Variants in RFX6 observed in about 807,000 individuals in gnomAD.
The protein encoded by RFX6 is DNA-binding protein RFX6.
RFX6 carries 50 observed loss-of-function variants against 110.8 expected under a neutral mutation model. The ratio of observed to expected loss-of-function variants is 0.45; its 90% confidence interval spans 0.36 to 0.57. RFX6 has a LOEUF of 0.57. RFX6 is among the 20% of genes least tolerant of loss of function. RFX6 has a pLI of 0.00. For synonymous variants in RFX6, 383 were observed against 411.2 expected, an observed-to-expected ratio of 0.93 and a Z score of 0.83; for missense variants, 990 against 1,127.0, an observed-to-expected ratio of 0.88 and a Z score of 1.74.
chr6:116,895,186 TG>T lies in RFX6; in HGVS notation c.653del (p.Gly218GlufsTer4). On this transcript the variant is annotated frameshift_variant, in exon 6 of 19. Transcript: ENST00000332958. LOFTEE classifies it high-confidence loss of function. ...YSGKGLTRFS[G>X]SKLKNEGGFT... ...AATGTACTAATTTTTTAAGGTTTTC[TG>T]GAAGCAAGCTAAAGAATGAGGTAAG... 6.8e-7 allele frequency: 1 copy of T among 1,478,372 alleles called. No homozygotes were observed. Among genetic ancestry groups the T allele is most frequent in the Non-Finnish European group, 9.5e-7 (1 of 1,058,124 alleles). The allele number at this position is 1,478,372 out of a possible 1,614,324, so 91.6% of individuals were successfully genotyped here.
chr6:116,888,547 G>A (rs3907920), intron 4 of RFX6, among the ~76,000 whole-genome samples: 54,337 of 151,854 alleles, frequency 0.36, 10,720 homozygotes, highest in East Asian at 0.51. Context: ...CAGGATTTTC[G>A]AGCATTTATC....
At chr6:116,888,079 A>C (rs1178133883) in intron 4 of RFX6, among the ~76,000 whole-genome samples, 1 of 152,216 alleles carries the variant, frequency 6.6e-6, no homozygotes, top group African/African-American at 2.4e-5. Flanking sequence ...CTCTTATCAT[A>C]GCAAGTTATT....
At chr6:116,924,526 A>T in intron 14 of RFX6, 143 bp from the exon 15 acceptor site, 1 of 772,950 alleles carries the variant, frequency 1.3e-6, no homozygotes, top group Non-Finnish European at 2.2e-6. Flanking sequence ...AAGTCCAACA[A>T]GTATTTGTTT....
At position 116,925,503 on chromosome 6, in the gene RFX6, A is replaced by C. The variant is rs1775694272; in HGVS notation, c.1729A>C (p.Asn577His). ...TASPSSCFLANRNKGSMVSSD... is the reference protein window; with the variant it reads ...TASPSSCFLAHRNKGSMVSSD... ...TTCTCCGAGTTCATGCTTTCTGGCC[A>C]ACCGTAATAAAGGGAGCATGGTTTC... The change falls in exon 16 of 19, where the codon AAC (asparagine) becomes CAC (histidine). Residue 577 changes from asparagine to histidine, a missense_variant. Around this residue, in one of 5 missense-constraint regions of RFX6, gnomAD observed 438 missense variants for 441.9 expected, o/e 0.99. Transcript: ENST00000332958. 2 of 1,614,200 alleles carry C rather than the reference A, an allele frequency of 1.2e-6. No homozygotes were observed. The highest frequency in any genetic ancestry group is 2.2e-5 in the South Asian group (2 of 91,086).
intron 6 of RFX6, 125 bp from the exon 7 acceptor site, chr6:116,910,810 G>C (rs183342394): frequency 5.3e-6 from 4 of 761,724 alleles, no homozygotes; most frequent in African/African-American, 3.5e-5. Flanking sequence ...CTCAAATCTC[G>C]TAAATTCTCA....
At position 116,920,397 on chromosome 6, in the gene RFX6, C is replaced by G. The variant is rs1165017367; in HGVS notation, c.1270C>G (p.Gln424Glu). The G allele has an allele frequency of 6.2e-7, 1 of 1,612,740 alleles. No individual in the cohort carries two copies. The highest frequency in any genetic ancestry group is 8.5e-7 in the Non-Finnish European group (1 of 1,178,766). ...GGTTGATTTGAACAGCATTGGCTCT[C>G]AAGCCCTTCTTACCATTTCAGGCAG... ...ERVDLNSIGS[Q>E]ALLTISGSTD... The change falls in exon 12 of 19, where the codon CAA becomes GAA. Residue 424 changes from glutamine (Q) to glutamate (E), a missense_variant. By Grantham distance (29) the Gln-to-Glu change is conservative (BLOSUM62 2). This residue lies in a region of RFX6 where 243 missense variants were observed against 353.1 expected (regional missense o/e 0.69). Transcript: ENST00000332958.
chr6:116,928,950 G>A lies in RFX6; in HGVS notation c.2590G>A (p.Ala864Thr). ...TTACACAGACACATCATCTCCAGTT[G>A]CATGTCGAACTCCAGTCCTAGGTAA... is the stretch of plus-strand genomic sequence containing the variant. ...SFYTDTSSPV[A>T]CRTPVLASSL... The change falls in exon 18 of 19, where the codon GCA (alanine) becomes ACA (threonine). Residue 864 changes from alanine (A) to threonine (T), a missense_variant. Ala to Thr is a moderately conservative substitution (Grantham distance 58). This residue lies in a region of RFX6 where 438 missense variants were observed against 441.9 expected (regional missense o/e 0.99). Coordinates refer to ENST00000332958, the MANE Select transcript of RFX6 (RefSeq NM_173560.4). The A allele has an allele frequency of 6.2e-7, 1 of 1,610,872 alleles. No individual in the cohort carries two copies.
In RFX6 at chr6:116,924,712, C is replaced by T. The variant is rs200439382; in HGVS notation, c.1599C>T (p.Leu533=). ...GAATGCTTCTCGATGAATACATTCT[C>T]CTGGCCATGGAGACCCAGTTTAATA... ...LIRMLLDEYI[L]LAMETQFNND... The change falls in exon 15 of 19, where the codon CTC becomes CTT. Residue 533 remains leucine (L), a synonymous_variant. Transcript: ENST00000332958. 1.7e-5 allele frequency: 28 copies of T among 1,606,498 alleles called. No individual in the cohort carries two copies. Among genetic ancestry groups the T allele is most frequent in the Non-Finnish European group, 2.1e-5 (25 of 1,173,128 alleles).
intron 7 of RFX6, among the ~76,000 whole-genome samples, chr6:116,911,618 G>A (rs950681925): frequency 1.1e-4 from 17 of 152,110 alleles, no homozygotes; most frequent in Middle Eastern, 3.2e-3. Context: ...ATGTAATAGC[G>A]TGTAAACTAT....
At chr6:116,887,400 C>T (rs1178309534) in intron 4 of RFX6, among the ~76,000 whole-genome samples, 1 of 152,178 alleles carries the variant, frequency 6.6e-6, no homozygotes, top group Non-Finnish European at 1.5e-5. Context: ...CATCCCCTGC[C>T]AGCCAAGAAA....
In RFX6 at chr6:116,918,020, C is replaced by T. The variant is rs1562145078; in HGVS notation, c.973-17C>T. 1.3e-6 allele frequency: 2 copies of T among 1,579,770 alleles called. No individual in the cohort carries two copies. Among genetic ancestry groups the T allele is most frequent in the East Asian group, 2.2e-5 (1 of 44,582 alleles). ...ACTAAGTAAAGATTTGTATTAACCTCTTTTGCTATGATTAAGGTTCTTACA... is the reference window on the plus strand; with the variant it reads ...ACTAAGTAAAGATTTGTATTAACCTTTTTTGCTATGATTAAGGTTCTTACA... On this transcript the variant is annotated splice_polypyrimidine_tract_variant and intron_variant, in intron 9 of 18. Coordinates refer to ENST00000332958, the MANE Select transcript of RFX6 (RefSeq NM_173560.4).
chr6:116,928,289 T>C (rs372903658), intron 17 of RFX6, among the ~76,000 whole-genome samples: 1 of 152,154 alleles, frequency 6.6e-6, no homozygotes, highest in Non-Finnish European at 1.5e-5. Flanking sequence ...GTCACCAAAA[T>C]AGGCTTTGTG....
intron 18 of RFX6, among the ~76,000 whole-genome samples, 176 bp downstream of exon 18, chr6:116,929,147 T>A (rs1775826668): frequency 6.6e-6 from 1 of 152,172 alleles, no homozygotes; most frequent in Non-Finnish European, 1.5e-5. Context: ...TAGTAACAGT[T>A]TTTCATTTCT....
intron 10 of RFX6, 112 bp from the exon 11 acceptor site, chr6:116,919,025 C>A: frequency 1.0e-6 from 1 of 996,772 alleles, no homozygotes. Flanking sequence ...GGCTGTCTGA[C>A]TTCAAAAGTA....
chr6:116,928,646 A>G (rs1252757654), intron 17 of RFX6, 113 bp from the exon 18 acceptor site: 1 of 754,694 alleles, frequency 1.3e-6, no homozygotes, highest in African/African-American at 1.7e-5. Context: ...TACACATGTA[A>G]TACTTACAGT....
At chr6:116,891,198 G>T (rs984615735) in intron 4 of RFX6, among the ~76,000 whole-genome samples, 1 of 152,104 alleles carries the variant, frequency 6.6e-6, no homozygotes, top group Non-Finnish European at 1.5e-5. Flanking sequence ...TGTCTGTTTT[G>T]TTCATCATTG....
At chr6:116,903,657 A>T (rs1053422088) in intron 6 of RFX6, among the ~76,000 whole-genome samples, 1 of 151,932 alleles carries the variant, frequency 6.6e-6, no homozygotes, top group Non-Finnish European at 1.5e-5. Flanking sequence ...TCTCAACAAC[A>T]TATTGTTTAT....
rs571684240 is a variant in RFX6, at chr6:116,886,924, G to A, written c.566+4496G>A. On this transcript the variant is annotated intron_variant, in intron 4 of 18. Transcript: ENST00000332958. ...CTAAAAATACAAAAATTAGCTGGGC[G>A]TGGTGGTGCGCACCTGTAGTCCCAG... Among the ~76,000 whole-genome samples, 15 of 151,938 alleles carry A rather than the reference G, an allele frequency of 9.9e-5. No homozygotes were observed. The East Asian group carries it at 1.4e-3, about 14-fold the overall frequency.
At chr6:116,927,992 C>G (rs530521458) in intron 17 of RFX6, among the ~76,000 whole-genome samples, 1 of 151,924 alleles carries the variant, frequency 6.6e-6, no homozygotes, top group East Asian at 1.9e-4. Flanking sequence ...AATCCTCTCT[C>G]CTTGGCTTCC....
Sources: gnomAD v4.1 joint callset for allele counts (sites outside exome capture counted in the v4.1 genomes callset) on GRCh38, gnomAD v4.1.1 for gene constraint, gnomAD v4.1.1 regional missense constraint, MANE v1.5 for transcripts, NCBI Gene and HGNC (gene_info 2026-07-23, HGNC 2026-07-21) for gene names.